The following PDE4B variants were observed in gnomAD, a reference collection of about 807,000 sequenced individuals.
The protein encoded by PDE4B is phosphodiesterase 4B.
Under a neutral mutation model 82.2 loss-of-function variants are expected in PDE4B, and 20 were observed. That is an observed-to-expected ratio of 0.24 (90% CI 0.17 to 0.35). The LOEUF (loss-of-function observed/expected upper bound fraction) is 0.35. Ranked by LOEUF, PDE4B falls within the 10% of genes least tolerant of loss-of-function variation. PDE4B has a pLI of 1.00. For synonymous variants in PDE4B, 320 were observed against 318.9 expected (o/e 1.00, Z -0.04); for missense variants, 655 against 907.2 (o/e 0.72, Z 3.57).
intron 3 of PDE4B, among the ~76,000 whole-genome samples, chr1:66,110,464 G>T (rs560868255): frequency 6.6e-6 from 1 of 152,062 alleles, no homozygotes; most frequent in African/African-American, 2.4e-5. Flanking sequence ...TAAACCAACT[G>T]GTCAGTGTTG....
chr1:65,834,137 C>T (rs542984799), intron 1 of PDE4B, among the ~76,000 whole-genome samples: 5 of 152,232 alleles, frequency 3.3e-5, no homozygotes, highest in Non-Finnish European at 5.9e-5. Flanking sequence ...CTCCGCCTCC[C>T]GGGTTTAAGT....
chr1:65,952,309 G>C (rs1294280640), intron 3 of PDE4B, among the ~76,000 whole-genome samples: 1 of 151,976 alleles, frequency 6.6e-6, no homozygotes, highest in Non-Finnish European at 1.5e-5. Flanking sequence ...TAATTGTTGT[G>C]GCACAGTCAA....
chr1:65,900,205 A>G (rs530295319), intron 1 of PDE4B, among the ~76,000 whole-genome samples: 21 of 152,126 alleles, frequency 1.4e-4, no homozygotes, highest in African/African-American at 5.1e-4. Flanking sequence ...AGCACCACTT[A>G]TTGAATAGGG....
intron 7 of PDE4B, among the ~76,000 whole-genome samples, chr1:66,274,327 AT>A (rs34185918): frequency 0.07 from 10,308 of 147,828 alleles, 471 homozygotes; most frequent in African/African-American, 0.13. Flanking sequence ...CACCCAGCTA[AT>A]TTTTTTTTTT....
chr1:65,872,151 G>A (rs918037928), intron 1 of PDE4B, among the ~76,000 whole-genome samples: 11 of 152,054 alleles, frequency 7.2e-5, no homozygotes, highest in Non-Finnish European at 1.5e-4. Context: ...CCAAATTTAT[G>A]TGTGCAGATA....
chr1:66,090,175 A>G (rs1210818073), intron 3 of PDE4B, among the ~76,000 whole-genome samples: 1 of 152,058 alleles, frequency 6.6e-6, no homozygotes, highest in Non-Finnish European at 1.5e-5. Flanking sequence ...AGACAAGAGT[A>G]TTAATAAGGC....
At chr1:66,189,327 C>T (rs1365805611) in intron 3 of PDE4B, among the ~76,000 whole-genome samples, 26 of 151,940 alleles carry the variant, frequency 1.7e-4, no homozygotes, top group Admixed American at 1.4e-3. Flanking sequence ...TTGCTCTTCT[C>T]GAGGAGTATC....
At chr1:66,187,380 G>A (rs1312519158) in intron 3 of PDE4B, among the ~76,000 whole-genome samples, 4 of 151,932 alleles carry the variant, frequency 2.6e-5, no homozygotes, top group East Asian at 1.9e-4. Context: ...CTCTTTTTCT[G>A]TTGATTGGAA....
chr1:66,017,365 A>G (rs1189993782), intron 3 of PDE4B, among the ~76,000 whole-genome samples: 1 of 152,190 alleles, frequency 6.6e-6, no homozygotes, highest in African/African-American at 2.4e-5. Flanking sequence ...TTCAATATTG[A>G]TGTGTTTAAA....
intron 3 of PDE4B, among the ~76,000 whole-genome samples, chr1:66,065,552 G>A (rs999433037): frequency 4.6e-5 from 7 of 151,646 alleles, no homozygotes; most frequent in Non-Finnish European, 8.9e-5. Context: ...GTCTGTTTAT[G>A]TCTTGAATGC....
intron 3 of PDE4B, among the ~76,000 whole-genome samples, chr1:66,183,046 T>C (rs1647103817): frequency 6.6e-6 from 1 of 152,162 alleles, no homozygotes; most frequent in Non-Finnish European, 1.5e-5. Flanking sequence ...GTCAGGAATA[T>C]CTGAAGCAGA....
At chr1:66,313,713 T>C (rs1658829161) in intron 7 of PDE4B, among the ~76,000 whole-genome samples, 1 of 152,000 alleles carries the variant, frequency 6.6e-6, no homozygotes, top group Non-Finnish European at 1.5e-5. Flanking sequence ...GAAATGGGGG[T>C]AGAGTGACTG....
chr1:66,096,766 T>C (rs145731246), intron 3 of PDE4B, among the ~76,000 whole-genome samples: 8 of 151,744 alleles, frequency 5.3e-5, no homozygotes, highest in African/African-American at 1.7e-4. Flanking sequence ...TAAAAACTTA[T>C]TCCTTGCCAC....
chr1:66,011,245 G>T (rs1652471240), intron 3 of PDE4B, among the ~76,000 whole-genome samples: 1 of 144,084 alleles, frequency 6.9e-6, no homozygotes. Context: ...AAAAAGAACT[G>T]GTGAGTTCTT....
At chr1:66,019,059 C>T (rs1296740761) in intron 3 of PDE4B, among the ~76,000 whole-genome samples, 2 of 152,102 alleles carry the variant, frequency 1.3e-5, no homozygotes, top group Non-Finnish European at 2.9e-5. Flanking sequence ...TAAATTCATC[C>T]TGATATGATG....
At chr1:66,024,205 G>A (rs1653307978) in intron 3 of PDE4B, among the ~76,000 whole-genome samples, 1 of 152,074 alleles carries the variant, frequency 6.6e-6, no homozygotes, top group South Asian at 2.1e-4. Context: ...AATAATGGGT[G>A]CAAATAATAG....
intron 3 of PDE4B, among the ~76,000 whole-genome samples, chr1:66,218,021 T>C (rs1309436554): frequency 1.3e-5 from 2 of 152,116 alleles, no homozygotes; most frequent in East Asian, 3.8e-4. Context: ...TTATAGCAGA[T>C]GATTTGATGG....
Position 65,972,652 on chromosome 1 carries a change from A to T in PDE4B, c.281+53817A>T, listed in dbSNP as rs147197178. 5.8e-3 allele frequency among the ~76,000 whole-genome samples: 880 copies of T among 152,306 alleles called. 26 individuals carry two copies. Among genetic ancestry groups the T allele is most frequent in the Admixed American group, 0.03 (466 of 15,286 alleles). Reference sequence around the variant, plus strand: ...TGAAGGTGTATGCTGTTTACCAAAAAGTAGACTAGAAATGGAGGAAAATGA... The same window carrying T: ...TGAAGGTGTATGCTGTTTACCAAAATGTAGACTAGAAATGGAGGAAAATGA... On this transcript the variant is annotated intron_variant, in intron 3 of 16. Transcript: ENST00000341517.
At chr1:66,371,081 C>T (rs783069) in intron 16 of PDE4B, among the ~76,000 whole-genome samples, 4,100 of 119,198 alleles carry the variant, frequency 0.034, 240 homozygotes, top group African/African-American at 0.12. Flanking sequence ...TATATATATA[C>T]ACACACATCA....
Sources: allele counts gnomAD v4.1 joint callset (sites outside exome capture counted in the v4.1 genomes callset), GRCh38; gene constraint gnomAD v4.1.1; transcripts MANE v1.5; gene names NCBI Gene and HGNC (gene_info 2026-07-23, HGNC 2026-07-21).